The following DACH1 variants were observed in gnomAD, a reference collection of about 807,000 sequenced individuals.
DACH1 encodes dachshund family transcription factor 1, also known as dachshund homolog 1.
DACH1 carries 12 observed loss-of-function variants against 54.2 expected under a neutral mutation model. The ratio of observed to expected loss-of-function variants is 0.22; its 90% CI spans 0.14 to 0.36. DACH1 has a LOEUF of 0.36. Ranked by LOEUF, DACH1 falls within the 10% of genes least tolerant of loss-of-function variation. DACH1 has a pLI of 1.00. For synonymous variants in DACH1, 386 were observed against 366.2 expected, an observed-to-expected ratio of 1.05 and a Z score of -0.62; for missense variants, 805 against 929.8, an observed-to-expected ratio of 0.87 and a Z score of 1.75.
intron 10 of DACH1, among the ~76,000 whole-genome samples, chr13:71,444,728 C>T (rs777073767): frequency 2.5e-4 from 38 of 152,164 alleles, no homozygotes; most frequent in Admixed American, 3.3e-4. Context: ...TTAAAAGACC[C>T]ATATTTACAT....
chr13:71,681,951 G>T (rs563529802), intron 1 of DACH1, 41 bp from the exon 2 acceptor site: 2 of 1,222,870 alleles, frequency 1.6e-6, no homozygotes, highest in South Asian at 2.6e-5. Flanking sequence ...TTAAGCTATT[G>T]TCTTACACAT....
In DACH1 at chr13:71,866,478, C is replaced by A; in HGVS notation, c.292G>T (p.Gly98Cys). Residue 98 changes from glycine to cysteine, a missense_variant, in exon 1 of 11, where the codon GGC (glycine) becomes TGC (cysteine). Around this residue, in one of 3 missense-constraint regions of DACH1, gnomAD observed 305 missense variants for 308.7 expected, o/e 0.99. Coordinates refer to ENST00000613252, the MANE Select transcript of DACH1 (RefSeq NM_080759.6). ...GGGTTGCAGTTGCTGCCACCGCCGC[C>A]GCCGCCACCGCCGCCTCCGTTGCCG... ...SSGNGGGGGG[G>C]GGGSNCNPNL... is the part of the protein sequence containing the mutation. 1 of 1,247,814 alleles carries A rather than the reference C, an allele frequency of 8.0e-7. No individual in the cohort carries two copies. Among genetic ancestry groups the A allele is most frequent in the Non-Finnish European group, 1.0e-6 (1 of 993,794 alleles). The allele number at this position is 1,247,814 out of a possible 1,614,324, so 77.3% of individuals were successfully genotyped here. A position where few individuals can be genotyped will look rare whatever the true frequency, so the allele number is the denominator to read the frequency against.
At position 71,816,570 on chromosome 13, in the gene DACH1, A is replaced by G. The variant is rs571173010; in HGVS notation, c.848+49352T>C. 5.6e-4 allele frequency among the ~76,000 whole-genome samples: 81 copies of G among 145,870 alleles called. 1 individual carries two copies. Among genetic ancestry groups the G allele is most frequent in the Middle Eastern group, 3.5e-3 (1 of 284 alleles). On this transcript the variant is annotated intron_variant, in intron 1 of 10. Transcript: ENST00000613252. ...ATGTGGTATATACATATATGTGTGT[A>G]TATATATACACGTATATATATACAC... is the stretch of plus-strand genomic sequence containing the variant.
intron 3 of DACH1, among the ~76,000 whole-genome samples, chr13:71,624,877 A>T (rs1396562903): frequency 1.3e-5 from 2 of 151,966 alleles, no homozygotes; most frequent in Non-Finnish European, 2.9e-5. Flanking sequence ...CAATTAGCTC[A>T]TCAGCAGTTA....
chr13:71,627,468 C>G (rs1467914196), intron 3 of DACH1, among the ~76,000 whole-genome samples: 1 of 151,912 alleles, frequency 6.6e-6, no homozygotes, highest in Non-Finnish European at 1.5e-5. Context: ...AACAATACAT[C>G]ATTTAAGTAG....
intron 1 of DACH1, among the ~76,000 whole-genome samples, chr13:71,787,908 T>G (rs572888399): frequency 6.6e-6 from 1 of 152,238 alleles, no homozygotes; most frequent in African/African-American, 2.4e-5. Context: ...AAACAAAAGA[T>G]AAATGTTTAG....
At chr13:71,764,103 CAA>C (rs1180116352) in intron 1 of DACH1, among the ~76,000 whole-genome samples, 2 of 152,086 alleles carry the variant, frequency 1.3e-5, no homozygotes, top group East Asian at 1.9e-4. Context: ...TAAATAATAA[CAA>C]TAATTATTTG....
chr13:71,459,386 A>G (rs2138135465), intron 10 of DACH1, among the ~76,000 whole-genome samples: 1 of 152,088 alleles, frequency 6.6e-6, no homozygotes, highest in South Asian at 2.1e-4. Flanking sequence ...AAGATTTTAT[A>G]ACAGTTGTAG....
intron 1 of DACH1, among the ~76,000 whole-genome samples, chr13:71,695,930 T>C (rs1264533688): frequency 1.3e-5 from 2 of 152,216 alleles, no homozygotes; most frequent in South Asian, 4.1e-4. Context: ...GGGCCATGTG[T>C]GATCTACTAT....
intron 1 of DACH1, among the ~76,000 whole-genome samples, chr13:71,810,589 G>T (rs1887671810): frequency 6.6e-6 from 1 of 152,096 alleles, no homozygotes; most frequent in South Asian, 2.1e-4. Flanking sequence ...AATAGGAAAA[G>T]AAAATACTAT....
intron 1 of DACH1, among the ~76,000 whole-genome samples, chr13:71,823,789 T>C (rs1394470204): frequency 3.3e-5 from 5 of 152,150 alleles, no homozygotes; most frequent in East Asian, 3.9e-4. Context: ...TAAATGATCA[T>C]ATGAAAGTAT....
chr13:71,695,895 T>G (rs1319277344), intron 1 of DACH1, among the ~76,000 whole-genome samples: 1 of 152,092 alleles, frequency 6.6e-6, no homozygotes, highest in Non-Finnish European at 1.5e-5. Flanking sequence ...AAATATTGAG[T>G]GTTTAAAATA....
At chr13:71,603,242 G>A (rs751708351) in intron 3 of DACH1, among the ~76,000 whole-genome samples, 4 of 151,828 alleles carry the variant, frequency 2.6e-5, no homozygotes, top group African/African-American at 4.8e-5. Context: ...CCCCCATTAG[G>A]ACATGTATAC....
At chr13:71,442,585 T>C (rs187185557) in intron 10 of DACH1, among the ~76,000 whole-genome samples, 9 of 152,182 alleles carry the variant, frequency 5.9e-5, no homozygotes, top group East Asian at 1.9e-4. Context: ...AGTCCTCCCT[T>C]TTGCACAGAG....
At chr13:71,556,059 A>AT (rs1331142749) in intron 6 of DACH1, among the ~76,000 whole-genome samples, 1 of 152,082 alleles carries the variant, frequency 6.6e-6, no homozygotes, top group East Asian at 1.9e-4. Context: ...TTATGTAAGC[A>AT]TTTTTACTTT....
chr13:71,816,587 TATATACAC>T (rs1355411277), intron 1 of DACH1, among the ~76,000 whole-genome samples: 13 of 103,584 alleles, frequency 1.3e-4, no homozygotes, highest in Non-Finnish European at 1.8e-4. Flanking sequence ...TACACGTATA[TATATACAC>T]ACATATGTGT....
At chr13:71,761,461 C>T (rs1267578881) in intron 1 of DACH1, among the ~76,000 whole-genome samples, 1 of 152,150 alleles carries the variant, frequency 6.6e-6, no homozygotes, top group Non-Finnish European at 1.5e-5. Flanking sequence ...ATACTATATT[C>T]TCCTGTCCTA....
At chr13:71,583,137 A>T (rs1239920614) in intron 3 of DACH1, among the ~76,000 whole-genome samples, 1 of 152,192 alleles carries the variant, frequency 6.6e-6, no homozygotes, top group Non-Finnish European at 1.5e-5. Flanking sequence ...AAATGATCTA[A>T]TTTAATTATT....
intron 6 of DACH1, among the ~76,000 whole-genome samples, chr13:71,504,674 A>G (rs1324932105): frequency 2.0e-5 from 3 of 152,168 alleles, no homozygotes; most frequent in African/African-American, 7.2e-5. Context: ...ATCTTACAGA[A>G]ATGGCAACTC....
Sources: allele counts gnomAD v4.1 joint callset (sites outside exome capture counted in the v4.1 genomes callset), GRCh38; gene constraint gnomAD v4.1.1; regional missense constraint gnomAD v4.1.1; transcripts MANE v1.5; gene names NCBI Gene and HGNC (gene_info 2026-07-23, HGNC 2026-07-21).